CFAP74: variants seen among roughly 807,000 people sequenced by gnomAD.
CFAP74 encodes the protein cilia and flagella associated protein 74, also known as cilia- and flagella-associated protein 74.
In CFAP74, 124 loss-of-function variants were observed where a neutral mutation model predicts 188.9. That is an observed-to-expected ratio of 0.66 (90% CI 0.57 to 0.76). The LOEUF (loss-of-function observed/expected upper bound fraction) is 0.76. CFAP74 is among the 30% of genes least tolerant of loss of function. CFAP74 has a pLI of 0.00. For missense variants in CFAP74, 2,198 were observed against 2,165.2 expected (o/e 1.02, Z -0.30); for synonymous variants, 956 against 916.7 (o/e 1.04, Z -0.77).
At chr1:1,996,715 G>A (rs959881398) in intron 1 of CFAP74, among the ~76,000 whole-genome samples, 46 of 152,004 alleles carry the variant, frequency 3.0e-4, no homozygotes, top group Admixed American at 2.4e-3. Context: ...GAGGTCCGGA[G>A]TTTGAGACCA....
At chr1:1,959,056 C>A in intron 16 of CFAP74, 64 bp downstream of exon 16, 7 of 1,139,794 alleles carry the variant, frequency 6.1e-6, no homozygotes, top group Non-Finnish European at 7.9e-6. Context: ...GAGATGCCGT[C>A]CCCCACTGGG....
intron 6 of CFAP74, among the ~76,000 whole-genome samples, chr1:1,977,021 AT>A (rs1168929794): frequency 2.1e-5 from 3 of 142,244 alleles, no homozygotes; most frequent in South Asian, 2.2e-4. Flanking sequence ...AATTTTTTGT[AT>A]TTTTTTTAGT....
At position 1,970,968 on chromosome 1, in the gene CFAP74, A is replaced by C. The variant is rs574358837; in HGVS notation, c.889-152T>G. 4.0e-3 allele frequency: 3,602 copies of C among 896,204 alleles called. 10 individuals are homozygous for C. The highest frequency in any genetic ancestry group is 4.8e-3 in the Non-Finnish European group (2,824 of 584,698). 55.5% of individuals were successfully genotyped at this position (896,204 alleles called of 1,614,324 possible). ...ACACCTGCACATGCACACATCACAC[A>C]TGCACACCTGCACACACGTGCACAC... On this transcript the variant is annotated intron_variant, in intron 9 of 38. Transcript: ENST00000682832.
intron 33 of CFAP74, among the ~76,000 whole-genome samples, chr1:1,925,154 GA>G (rs1557982750): frequency 6.7e-5 from 10 of 148,990 alleles, no homozygotes; most frequent in Admixed American, 1.3e-4. Flanking sequence ...AGGGCAGGGC[GA>G]AGGCATGAGG....
chr1:1,997,713 A>G (rs1450329423), intron 1 of CFAP74, among the ~76,000 whole-genome samples: 1 of 152,226 alleles, frequency 6.6e-6, no homozygotes, highest in Non-Finnish European at 1.5e-5. Context: ...ACAGACCTCT[A>G]CAGAGAATGC....
intron 11 of CFAP74, among the ~76,000 whole-genome samples, chr1:1,967,375 G>A (rs1028017391): frequency 7.2e-6 from 1 of 138,416 alleles, no homozygotes; most frequent in African/African-American, 2.7e-5. Flanking sequence ...GCGCATTGCT[G>A]TTACTGTGAC....
intron 14 of CFAP74, 42 bp from the exon 15 acceptor site, chr1:1,960,072 G>T: frequency 6.5e-7 from 1 of 1,539,664 alleles, no homozygotes; most frequent in African/African-American, 1.4e-5. Flanking sequence ...TAGTGCTGCG[G>T]AGGGCAGACG....
chr1:1,974,004 G>A, intron 7 of CFAP74, 21 bp downstream of exon 7: 1 of 1,528,246 alleles, frequency 6.5e-7, no homozygotes, highest in Non-Finnish European at 8.8e-7. Context: ...AGGGATGGAG[G>A]TGGGCCTGGG....
intron 25 of CFAP74, among the ~76,000 whole-genome samples, chr1:1,936,990 C>T (rs551096002): frequency 6.6e-6 from 1 of 151,928 alleles, no homozygotes; most frequent in Admixed American, 6.6e-5. Context: ...GGTCGAATCA[C>T]AGGTGACATT....
chr1:1,928,686 C>A, intron 27 of CFAP74, 98 bp downstream of exon 27: 1 of 833,338 alleles, frequency 1.2e-6, no homozygotes, highest in Non-Finnish European at 1.9e-6. Flanking sequence ...GTGCTCCCGG[C>A]ACGTGGCCGG....
intron 16 of CFAP74, among the ~76,000 whole-genome samples, chr1:1,958,059 TTC>T (rs1039053285): frequency 6.6e-6 from 1 of 152,276 alleles, no homozygotes; most frequent in African/African-American, 2.4e-5. Flanking sequence ...AGGAAAACAC[TTC>T]TCTCTCTGCC....
intron 6 of CFAP74, among the ~76,000 whole-genome samples, chr1:1,976,444 T>A (rs901452337): frequency 6.6e-6 from 1 of 152,314 alleles, no homozygotes; most frequent in South Asian, 2.1e-4. Flanking sequence ...TCCACTGTGA[T>A]TGGAGGCTTC....
chr1:1,976,672 A>G (rs1656468298), intron 6 of CFAP74, among the ~76,000 whole-genome samples: 1 of 152,168 alleles, frequency 6.6e-6, no homozygotes. Context: ...CCTCTTGAAT[A>G]GCTGGGATTA....
chr1:1,927,729 G>T lies in CFAP74; in HGVS notation c.3405C>A (p.Ala1135=). The T allele has an allele frequency of 6.5e-7, 1 of 1,550,078 alleles. No homozygotes were observed. Among genetic ancestry groups the T allele is most frequent in the Non-Finnish European group, 8.7e-7 (1 of 1,146,750 alleles). ...GTCCATGCAGGTCCTTCCTCTGGGG[G>T]GCCATATTCTTTCGGAACTGTGGGG... The part of the protein sequence containing the change: ...METKSFRKNM[A]PQRKDLHGLS... Residue 1135 remains alanine, a synonymous_variant, in exon 28 of 39, where the codon GCC becomes GCA. Transcript: ENST00000682832.
chr1:1,966,708 T>G (rs1335314651), intron 11 of CFAP74, among the ~76,000 whole-genome samples, 182 bp from the exon 12 acceptor site: 1 of 152,254 alleles, frequency 6.6e-6, no homozygotes, highest in African/African-American at 2.4e-5. Context: ...ATATAAGTAT[T>G]TTAATACATT....
chr1:1,952,895 C>T (rs1006918293), intron 18 of CFAP74, among the ~76,000 whole-genome samples: 5 of 152,018 alleles, frequency 3.3e-5, no homozygotes, highest in Admixed American at 1.3e-4. Context: ...TGAGCTCAAG[C>T]GATCTTCCTG....
intron 2 of CFAP74, among the ~76,000 whole-genome samples, chr1:1,990,318 A>T (rs1024787792): frequency 1.3e-5 from 2 of 151,344 alleles, no homozygotes; most frequent in Admixed American, 1.3e-4. Context: ...CCCTTCATTA[A>T]ATCTCAGTAA....
intron 1 of CFAP74, among the ~76,000 whole-genome samples, chr1:2,002,460 CA>C (rs1404637591): frequency 6.6e-6 from 1 of 151,314 alleles, no homozygotes; most frequent in Non-Finnish European, 1.5e-5. Context: ...GTGGGTGGAT[CA>C]TTTGAGATCA....
chr1:1,939,225 T>A lies in CFAP74; in HGVS notation c.2878-237A>T, dbSNP rs72911078. Among the ~76,000 whole-genome samples the A allele has an allele frequency of 7.8e-3, 1,194 of 152,296 alleles. 20 individuals are homozygous for A. The highest frequency in any genetic ancestry group is 0.027 in the African/African-American group (1,128 of 41,556). On this transcript the variant is annotated intron_variant, in intron 24 of 38. Transcript: ENST00000682832. ...GTGTGTGCACGCATATGTGTGTGTGTGCTGGGGGGAGAGAGAGGGAGGATG... is the reference window on the plus strand; with the variant it reads ...GTGTGTGCACGCATATGTGTGTGTGAGCTGGGGGGAGAGAGAGGGAGGATG...
Sources: allele counts gnomAD v4.1 joint callset (sites outside exome capture counted in the v4.1 genomes callset), GRCh38; gene constraint gnomAD v4.1.1; transcripts MANE v1.5; gene names NCBI Gene and HGNC (gene_info 2026-07-23, HGNC 2026-07-21).